The following GNG7 variants were observed in gnomAD, a reference collection of about 807,000 sequenced individuals.
The protein encoded by GNG7 is G protein subunit gamma 7.
A neutral mutation model predicts 4.0 loss-of-function variants in GNG7; 1 was observed. The observed-to-expected ratio is 0.25, with a 90% CI of 0.09 to 1.18. The LOEUF (loss-of-function observed/expected upper bound fraction) is 1.18. Ranked by LOEUF, GNG7 falls within the 50% of genes most tolerant of loss-of-function variation. The probability of loss-of-function intolerance (pLI) is 0.50; values close to 1 mark genes in which losing one functional copy is unlikely to be tolerated. For missense variants in GNG7, 86 were observed against 91.9 expected, an observed-to-expected ratio of 0.94 and a Z score of 0.26; for synonymous variants, 34 against 36.9, an observed-to-expected ratio of 0.92 and a Z score of 0.29.
At chr19:2,604,249 C>T (rs937038941) in intron 2 of GNG7, among the ~76,000 whole-genome samples, 2 of 151,922 alleles carry the variant, frequency 1.3e-5, no homozygotes, top group Admixed American at 6.6e-5. Flanking sequence ...GCAGGAGGAT[C>T]GCTTGAGGCC....
intron 4 of GNG7, 114 bp downstream of exon 4, chr19:2,520,494 G>T: frequency 1.6e-6 from 1 of 637,436 alleles, no homozygotes; most frequent in South Asian, 1.8e-5. Flanking sequence ...AGGTCACACA[G>T]CAAGAGACAC....
chr19:2,577,012 C>T (rs955536196), intron 2 of GNG7, among the ~76,000 whole-genome samples: 3 of 152,252 alleles, frequency 2.0e-5, no homozygotes, highest in East Asian at 3.8e-4. Context: ...ATTCACGCTA[C>T]GTGAGTCACC....
intron 2 of GNG7, among the ~76,000 whole-genome samples, chr19:2,592,054 A>G (rs1410161554): frequency 6.6e-6 from 1 of 152,220 alleles, no homozygotes; most frequent in Admixed American, 6.5e-5. Flanking sequence ...AAATGCCACT[A>G]TCTTCTAAAG....
intron 2 of GNG7, among the ~76,000 whole-genome samples, chr19:2,558,867 C>A (rs939305466): frequency 6.6e-6 from 1 of 151,596 alleles, no homozygotes; most frequent in Admixed American, 6.6e-5. Context: ...GGCGCGATCT[C>A]TGCTCACTGC....
intron 1 of GNG7, among the ~76,000 whole-genome samples, chr19:2,699,737 G>T (rs150573327): frequency 5.1e-4 from 77 of 152,316 alleles, no homozygotes; most frequent in Non-Finnish European, 9.8e-4. Context: ...GGAGGTCAGG[G>T]ATGCTGCTCG....
Position 2,611,026 on chromosome 19 carries a change from A to G in GNG7, c.-78+35198T>C, listed in dbSNP as rs1981547756. ...GCTCGGGGGGGGGGAAGCGTCCTCA[A>G]CATTCTCAGAAAGGACCACGCCCGG... On this transcript the variant is annotated intron_variant, in intron 2 of 4. Transcript: ENST00000382159. This position sits in a 1 kb window ranked among gnomAD's most constrained non-coding sequence, Gnocchi z 6.0. 6.7e-6 allele frequency: 1 copy of G among 149,860 alleles called. No homozygotes were observed. The highest frequency in any genetic ancestry group is 2.5e-5 in the African/African-American group (1 of 40,172). 9.3% of individuals were successfully genotyped at this position (149,860 alleles called of 1,614,324 possible).
In GNG7 at chr19:2,513,363, AG is replaced by A. The variant is rs1044486648; in HGVS notation, c.*1658del. On this transcript the variant is annotated 3_prime_UTR_variant, in exon 5 of 5. Coordinates refer to ENST00000382159, the MANE Select transcript of GNG7 (RefSeq NM_052847.3). ...ACTTGCTTCTAGGCCAGCCCCGTGG[AG>A]GGGGTCGGGGCGGCCAGGCCTCCTG... 1.0e-4 allele frequency: 43 copies of A among 418,770 alleles called. No homozygotes were observed. Among genetic ancestry groups the A allele is most frequent in the Middle Eastern group, 1.3e-3 (1 of 790 alleles). 25.9% of individuals were successfully genotyped at this position (418,770 alleles called of 1,614,324 possible). A position where few individuals can be genotyped will look rare whatever the true frequency, so the allele number is the denominator to read the frequency against.
At chr19:2,631,902 T>C (rs1982168995) in intron 2 of GNG7, 1 of 152,218 alleles carries the variant, frequency 6.6e-6, no homozygotes, top group Non-Finnish European at 1.5e-5. Flanking sequence ...AGAAGTGCCA[T>C]TTCTGAAAGA....
rs977328463 is a variant in GNG7, at chr19:2,609,668, A to C, written c.-78+36556T>G. On this transcript the variant is annotated intron_variant, in intron 2 of 4. Transcript: ENST00000382159. This position sits in a 1 kb window ranked among gnomAD's most constrained non-coding sequence, Gnocchi z 4.4. ...CTTCCAGCCTCCAGAACCAAGAGAGAGAAGAAATCTCTGTTGCTAAAGCCC... is the reference window on the plus strand; with the variant it reads ...CTTCCAGCCTCCAGAACCAAGAGAGCGAAGAAATCTCTGTTGCTAAAGCCC... 1.2e-4 allele frequency among the ~76,000 whole-genome samples: 18 copies of C among 152,022 alleles called. No individual in the cohort carries two copies. The highest frequency in any genetic ancestry group is 4.4e-4 in the African/African-American group (18 of 41,372).
intron 2 of GNG7, among the ~76,000 whole-genome samples, chr19:2,596,008 A>G (rs1017392777): frequency 6.6e-6 from 1 of 152,032 alleles, no homozygotes; most frequent in African/African-American, 2.4e-5. Context: ...TTGTTACTCT[A>G]CTACAGAGGA....
intron 3 of GNG7, among the ~76,000 whole-genome samples, chr19:2,532,660 A>G (rs2144739081): frequency 6.6e-6 from 1 of 152,360 alleles, no homozygotes; most frequent in African/African-American, 2.4e-5. Context: ...TGTCCTAAAA[A>G]GTGGCAGAGA....
intron 2 of GNG7, among the ~76,000 whole-genome samples, chr19:2,639,074 TA>T (rs1418001073): frequency 6.6e-6 from 1 of 151,686 alleles, no homozygotes; most frequent in Non-Finnish European, 1.5e-5. Context: ...CCATCTCTAC[TA>T]AAAATACAAA....
intron 1 of GNG7, among the ~76,000 whole-genome samples, chr19:2,662,944 G>A (rs1254255705): frequency 3.3e-5 from 5 of 152,104 alleles, no homozygotes; most frequent in Non-Finnish European, 7.4e-5. Flanking sequence ...ACATGACTTT[G>A]CAGATTCCAA....
chr19:2,657,364 ATATATATATAT>A (rs1568276415), intron 1 of GNG7, among the ~76,000 whole-genome samples: 202 of 17,400 alleles, frequency 0.012, 14 homozygotes, highest in Non-Finnish European at 0.02. Context: ...AAAAAAAAAT[ATATATATATAT>A]ATATATATAT....
chr19:2,524,304 G>A (rs1489249062), intron 3 of GNG7, among the ~76,000 whole-genome samples: 1 of 152,246 alleles, frequency 6.6e-6, no homozygotes, highest in African/African-American at 2.4e-5. Context: ...ACCCAGGCCT[G>A]CCAGGAAGGC....
Position 2,513,059 on chromosome 19 carries a change from G to A in GNG7, c.*1963C>T, listed in dbSNP as rs557748979. On this transcript the variant is annotated 3_prime_UTR_variant, in exon 5 of 5. Transcript: ENST00000382159. ...GACCTGCCGTAGAGAGCTGGGTGCC[G>A]GGGGTGGGGAGCCCGGCTGTGGCCT... 7 of 985,572 alleles carry A rather than the reference G, an allele frequency of 7.1e-6. No individual in the cohort carries two copies. The Admixed American group carries it at 2.5e-4, about 35-fold the overall frequency. 61.1% of individuals were successfully genotyped at this position (985,572 alleles called of 1,614,324 possible). A position where few individuals can be genotyped will look rare whatever the true frequency, so the allele number is the denominator to read the frequency against.
Position 2,696,402 on chromosome 19 carries a change from G to A in GNG7, c.-135+6244C>T, listed in dbSNP as rs1348489321. Among the ~76,000 whole-genome samples, 7 of 150,732 alleles carry A rather than the reference G, an allele frequency of 4.6e-5. No homozygotes were observed. In the East Asian group the frequency reaches 1.2e-3, roughly 25 times the overall value. On this transcript the variant is annotated intron_variant, in intron 1 of 4. Coordinates refer to ENST00000382159, the MANE Select transcript of GNG7 (RefSeq NM_052847.3). ...GGAAGGGAAGAAAGAAAGGAAAGAC[G>A]AAGGAAGAAGGAAGGAAGGAAGGAA...
chr19:2,684,507 C>G (rs753467858), intron 1 of GNG7, among the ~76,000 whole-genome samples: 42 of 152,184 alleles, frequency 2.8e-4, no homozygotes, highest in Admixed American at 9.8e-4. Context: ...CACGGATCAA[C>G]GTAGCGTGGT....
chr19:2,541,505 T>A (rs1599381011), intron 3 of GNG7, among the ~76,000 whole-genome samples: 1 of 151,278 alleles, frequency 6.6e-6, no homozygotes, highest in Non-Finnish European at 1.5e-5. Flanking sequence ...GAGGCCGAGG[T>A]GGGTGGATCA....
Sources: gnomAD v4.1 joint callset for allele counts (sites outside exome capture counted in the v4.1 genomes callset) on GRCh38, gnomAD v4.1.1 for gene constraint, Gnocchi (gnomAD v3.1) non-coding constraint, MANE v1.5 for transcripts, NCBI Gene and HGNC (gene_info 2026-07-23, HGNC 2026-07-21) for gene names.